Variants in CNTLN observed in about 807,000 individuals in gnomAD.
CNTLN encodes centlein, centrosomal protein.
Under a neutral mutation model 180.0 loss-of-function variants are expected in CNTLN, and 212 were observed. The ratio of observed to expected loss-of-function variants is 1.18; its 90% CI spans 1.05 to 1.32. The LOEUF is 1.32. Among genes scored for constraint, CNTLN ranks in the 40% most tolerant of loss-of-function variants. The probability of loss-of-function intolerance (pLI) is 0.00; values close to 1 mark genes in which losing one functional copy is unlikely to be tolerated. For missense variants in CNTLN, 2,095 were observed against 1,610.9 expected, an observed-to-expected ratio of 1.30 and a Z score of -5.14; for synonymous variants, 722 against 563.1, an observed-to-expected ratio of 1.28 and a Z score of -3.99.
At chr9:17,267,370 A>T (rs957415901) in intron 5 of CNTLN, among the ~76,000 whole-genome samples, 10 of 151,974 alleles carry the variant, frequency 6.6e-5, no homozygotes, top group Admixed American at 6.6e-4. Flanking sequence ...ATAGGCCCCC[A>T]CTCTCTTCTG....
At chr9:17,216,702 C>T (rs939445483) in intron 2 of CNTLN, among the ~76,000 whole-genome samples, 1 of 152,100 alleles carries the variant, frequency 6.6e-6, no homozygotes, top group Non-Finnish European at 1.5e-5. Flanking sequence ...GTTATATTCT[C>T]TCACTACTGG....
chr9:17,376,343 G>A (rs565483861), intron 13 of CNTLN, among the ~76,000 whole-genome samples: 1 of 151,090 alleles, frequency 6.6e-6, no homozygotes, highest in East Asian at 1.9e-4. Flanking sequence ...CAGTAAGAAA[G>A]AAAAAAGAAG....
chr9:17,251,618 G>A (rs1235061876), intron 5 of CNTLN, among the ~76,000 whole-genome samples: 6 of 151,328 alleles, frequency 4.0e-5, no homozygotes, highest in Admixed American at 3.3e-4. Flanking sequence ...TCATTGATAT[G>A]TAATAATCTA....
chr9:17,457,437 C>T (rs1831195184), intron 18 of CNTLN, 87 bp from the exon 19 acceptor site: 2 of 701,962 alleles, frequency 2.8e-6, no homozygotes, highest in African/African-American at 3.8e-5. Context: ...ATTTTCCTAG[C>T]TGTAGAATTT....
At chr9:17,226,160 G>T in intron 2 of CNTLN, 43 bp from the exon 3 acceptor site, 1 of 999,612 alleles carries the variant, frequency 1.0e-6, no homozygotes, top group South Asian at 1.6e-5. Context: ...TAAAGTATTA[G>T]CTACCAGTTA....
intron 3 of CNTLN, among the ~76,000 whole-genome samples, chr9:17,233,535 T>A (rs1319883278): frequency 2.0e-5 from 3 of 152,128 alleles, no homozygotes; most frequent in African/African-American, 7.2e-5. Flanking sequence ...CAGTCTGCAG[T>A]TTGAAAAACA....
At chr9:17,462,829 ATTC>A (rs1475808131) in intron 19 of CNTLN, 84 bp from the exon 20 acceptor site, 5 of 488,334 alleles carry the variant, frequency 1.0e-5, no homozygotes, top group African/African-American at 2.0e-5. Flanking sequence ...TTGTAGAGGT[ATTC>A]TTCTTTAGAA....
chr9:17,443,410 T>G (rs550808069), intron 18 of CNTLN, among the ~76,000 whole-genome samples: 1 of 152,284 alleles, frequency 6.6e-6, no homozygotes, highest in African/African-American at 2.4e-5. Context: ...TAGCAGGTAT[T>G]GTGTGGTATC....
Position 17,332,517 on chromosome 9 carries a change from A to G in CNTLN, c.1519-88A>G, listed in dbSNP as rs527430408. On this transcript the variant is annotated intron_variant, in intron 9 of 25. Transcript: ENST00000380647. ...TTTTTTTTTATAATTCATTATTAGT[A>G]TTCAAAATTACTTGTTCTTTAATTT... is the stretch of plus-strand genomic sequence containing the variant. 110 of 1,277,818 alleles carry G rather than the reference A, an allele frequency of 8.6e-5. No individual in the cohort carries two copies. In the South Asian group the frequency reaches 1.6e-3, roughly 18 times the overall value. The allele number at this position is 1,277,818 out of a possible 1,614,324, so 79.2% of individuals were successfully genotyped here. A position where few individuals can be genotyped will look rare whatever the true frequency, so the allele number is the denominator to read the frequency against.
At chr9:17,513,924 T>A in the CNTLN span, among the ~76,000 whole-genome samples, 1 of 152,182 alleles carries the variant, frequency 6.6e-6, no homozygotes. Flanking sequence ...AAAGGCATTT[T>A]AAAAATTGTG....
intron 22 of CNTLN, among the ~76,000 whole-genome samples, 154 bp downstream of exon 22, chr9:17,466,272 A>G (rs1226392459): frequency 2.6e-5 from 4 of 151,532 alleles, no homozygotes; most frequent in African/African-American, 9.7e-5. Flanking sequence ...ATGAAACGCC[A>G]AACATTGGTT....
intron 2 of CNTLN, among the ~76,000 whole-genome samples, chr9:17,157,058 C>T (rs1249448728): frequency 6.6e-6 from 1 of 152,168 alleles, no homozygotes; most frequent in African/African-American, 2.4e-5. Flanking sequence ...CTACTGTCTC[C>T]TCGATAGAAA....
intron 25 of CNTLN, among the ~76,000 whole-genome samples, chr9:17,490,680 A>G (rs1229209344): frequency 6.6e-6 from 1 of 152,138 alleles, no homozygotes; most frequent in African/African-American, 2.4e-5. Flanking sequence ...CGAATGTACT[A>G]AAAACCAATG....
At chr9:17,498,531 C>G (rs1320095519) in intron 25 of CNTLN, among the ~76,000 whole-genome samples, 2 of 152,292 alleles carry the variant, frequency 1.3e-5, no homozygotes, top group African/African-American at 4.8e-5. Flanking sequence ...CTAGGAAGAT[C>G]TGCCTTAAGA....
chr9:17,141,736 A>G (rs1818111503), intron 1 of CNTLN, among the ~76,000 whole-genome samples: 1 of 152,142 alleles, frequency 6.6e-6, no homozygotes, highest in Non-Finnish European at 1.5e-5. Context: ...TATCATGTAG[A>G]TAAGGACAGT....
At chr9:17,223,096 G>C (rs953653491) in intron 2 of CNTLN, among the ~76,000 whole-genome samples, 1 of 152,040 alleles carries the variant, frequency 6.6e-6, no homozygotes, top group Admixed American at 6.6e-5. Context: ...GGCAGGTTGT[G>C]TTTATAGCAT....
rs775974862 is a variant in CNTLN at position 17,273,797 on chromosome 9, C to G, written c.914C>G (p.Ala305Gly). ...GAAGTATCACAGAGTAAATACAATG[C>G]TCTATCATTACAGTTGAGTAATAAA... is the stretch of plus-strand genomic sequence containing the variant. ...EVEVSQSKYN[A>G]LSLQLSNKQT... Residue 305 changes from alanine to glycine, a missense_variant, in exon 6 of 26, where the codon GCT becomes GGT. Transcript: ENST00000380647. The G allele has an allele frequency of 1.3e-6, 2 of 1,572,634 alleles. No homozygotes were observed. The highest frequency in any genetic ancestry group is 2.8e-5 in the African/African-American group (2 of 72,694).
chr9:17,435,739 T>C (rs1295163367), intron 18 of CNTLN, among the ~76,000 whole-genome samples: 1 of 152,104 alleles, frequency 6.6e-6, no homozygotes, highest in East Asian at 1.9e-4. Flanking sequence ...ATTTTTGTAT[T>C]TTTAGTAGAG....
Position 17,464,580 on chromosome 9 carries a change from G to T in CNTLN, c.3488G>T (p.Ser1163Ile). The T allele has an allele frequency of 1.3e-6, 2 of 1,502,256 alleles. No individual in the cohort carries two copies. The highest frequency in any genetic ancestry group is 2.6e-5 in the East Asian group (1 of 38,650). 93.1% of individuals were successfully genotyped at this position (1,502,256 alleles called of 1,614,324 possible). ...LKFRQKVNLE[S>I]NKSFSEMLQN... Reference sequence around the variant, plus strand: ...TTTCGACAGAAAGTAAATTTGGAAAGTAACAAGAGTTTTAGTGAAATGTTA... The same window carrying T: ...TTTCGACAGAAAGTAAATTTGGAAATTAACAAGAGTTTTAGTGAAATGTTA... Residue 1163 changes from serine to isoleucine, a missense_variant, in exon 21 of 26, where the codon AGT becomes ATT. Ser to Ile is a moderately radical substitution (Grantham distance 142). Coordinates refer to ENST00000380647, the MANE Select transcript of CNTLN (RefSeq NM_017738.4).
Sources: allele counts gnomAD v4.1 joint callset (sites outside exome capture counted in the v4.1 genomes callset), GRCh38; gene constraint gnomAD v4.1.1; transcripts MANE v1.5; gene names NCBI Gene and HGNC (gene_info 2026-07-23, HGNC 2026-07-21).